LRP6: variants seen among roughly 807,000 people sequenced by gnomAD.
LRP6 encodes low-density lipoprotein receptor-related protein 6.
LRP6 carries 43 observed loss-of-function variants against 184.1 expected under a neutral mutation model. That is an observed-to-expected ratio of 0.23 (90% confidence interval 0.18 to 0.30). LRP6 has a LOEUF of 0.30. Ranked by LOEUF, LRP6 falls within the 10% of genes least tolerant of loss-of-function variation. LRP6 has a pLI of 1.00. For missense variants in LRP6, 1,571 were observed against 2,005.3 expected (o/e 0.78, Z 4.14); for synonymous variants, 719 against 684.9 (o/e 1.05, Z -0.78).
intron 15 of LRP6, among the ~76,000 whole-genome samples, chr12:12,145,729 T>C (rs1949998327): frequency 6.6e-6 from 1 of 151,288 alleles, no homozygotes; most frequent in Non-Finnish European, 1.5e-5. Flanking sequence ...CCTCCCATGT[T>C]CAAGCGATTC....
chr12:12,166,113 G>T (rs1057090924), intron 7 of LRP6, among the ~76,000 whole-genome samples: 31 of 151,700 alleles, frequency 2.0e-4, no homozygotes, highest in Admixed American at 7.9e-4. Context: ...TACCTTTTTT[G>T]GGGGGGTAGG....
intron 2 of LRP6, among the ~76,000 whole-genome samples, chr12:12,231,871 C>T (rs1038429466): frequency 1.3e-5 from 2 of 151,464 alleles, no homozygotes; most frequent in Non-Finnish European, 2.9e-5. Context: ...GAAAATTAGC[C>T]GGATGTGGTG....
intron 1 of LRP6, among the ~76,000 whole-genome samples, chr12:12,264,628 CA>C (rs1865710898): frequency 6.6e-6 from 1 of 152,170 alleles, no homozygotes; most frequent in Non-Finnish European, 1.5e-5. Flanking sequence ...TGCAACAAAT[CA>C]ATCAGATTTT....
chr12:12,187,785 G>C (rs1863513378), intron 3 of LRP6, among the ~76,000 whole-genome samples: 1 of 152,152 alleles, frequency 6.6e-6, no homozygotes, highest in Admixed American at 6.5e-5. Context: ...GTTAGTGGTA[G>C]AATATGTTCA....
chr12:12,138,075 G>T (rs1483707026), intron 16 of LRP6, among the ~76,000 whole-genome samples: 1 of 151,810 alleles, frequency 6.6e-6, no homozygotes, highest in Non-Finnish European at 1.5e-5. Context: ...GGAGGCTGAG[G>T]CATGAGAATC....
chr12:12,187,509 C>CA (rs1863504329), intron 3 of LRP6: 1 of 262,694 alleles, frequency 3.8e-6, no homozygotes, highest in African/African-American at 2.2e-5. Context: ...GAAAGGTAAG[C>CA]AATGAGAAAA....
At chr12:12,137,158 C>T (rs1949852999) in intron 16 of LRP6, among the ~76,000 whole-genome samples, 1 of 152,136 alleles carries the variant, frequency 6.6e-6, no homozygotes, top group African/African-American at 2.4e-5. Flanking sequence ...TCCTTTCATG[C>T]TTAAATTCAA....
intron 10 of LRP6, among the ~76,000 whole-genome samples, chr12:12,161,189 A>C (rs946067724): frequency 6.6e-6 from 1 of 152,250 alleles, no homozygotes; most frequent in Non-Finnish European, 1.5e-5. Context: ...TTACTAGCTA[A>C]TCATGGAATC....
chr12:12,243,061 G>T (rs1865104369), intron 2 of LRP6, among the ~76,000 whole-genome samples: 1 of 152,126 alleles, frequency 6.6e-6, no homozygotes, highest in Non-Finnish European at 1.5e-5. Context: ...AATAGTACAG[G>T]TTATTTATCT....
chr12:12,206,053 C>A (rs1178480248), intron 2 of LRP6, among the ~76,000 whole-genome samples: 1 of 152,212 alleles, frequency 6.6e-6, no homozygotes, highest in Non-Finnish European at 1.5e-5. Context: ...AGTATCGTAG[C>A]ATGCTGTACA....
chr12:12,186,029 G>C (rs77611175), intron 4 of LRP6, among the ~76,000 whole-genome samples: 20,411 of 151,792 alleles, frequency 0.13, 1,819 homozygotes, highest in African/African-American at 0.25. Context: ...TGTTATTTTA[G>C]TAGAGACGGG....
At chr12:12,204,638 T>C (rs1052702081) in intron 2 of LRP6, among the ~76,000 whole-genome samples, 3 of 152,078 alleles carry the variant, frequency 2.0e-5, no homozygotes, top group East Asian at 3.8e-4. Context: ...AAAAACTCTC[T>C]TGGGCTGGGC....
At chr12:12,166,327 A>G (rs1036024018) in intron 7 of LRP6, among the ~76,000 whole-genome samples, 1 of 152,206 alleles carries the variant, frequency 6.6e-6, no homozygotes, top group Non-Finnish European at 1.5e-5. Context: ...TTGCATTTCC[A>G]GGAACATGTA....
chr12:12,217,534 A>G (rs1157396884), intron 2 of LRP6, among the ~76,000 whole-genome samples: 2 of 152,212 alleles, frequency 1.3e-5, no homozygotes, highest in African/African-American at 2.4e-5. Flanking sequence ...ACTGTCTTCC[A>G]CAAAACCAGT....
intron 1 of LRP6, among the ~76,000 whole-genome samples, chr12:12,255,566 CTTTT>C (rs749441005): frequency 1.8e-5 from 2 of 114,142 alleles, no homozygotes; most frequent in East Asian, 2.3e-4. Flanking sequence ...GGTTTGGTCA[CTTTT>C]TTTTTTTTTT....
Position 12,158,980 on chromosome 12 carries a change from G to C in LRP6, c.2640C>G (p.Leu880=), listed in dbSNP as rs151241193. Residue 880 remains leucine, a synonymous_variant, in exon 12 of 23, where the codon CTC becomes CTG. Coordinates refer to ENST00000261349, the MANE Select transcript of LRP6 (RefSeq NM_002336.3). The part of the protein sequence containing the change: ...QGHLDYVMDI[L]VFHSSRQSGW... ...CTGACTGTCGAGATGAGTGAAAGAC[G>C]AGGATGTCCATCACATAATCCAAAT... 4 of 1,614,042 alleles carry C rather than the reference G, an allele frequency of 2.5e-6. No individual in the cohort carries two copies. The Admixed American group carries it at 5.0e-5, about 20-fold the overall frequency.
chr12:12,187,236 A>C, intron 3 of LRP6, 117 bp from the exon 4 acceptor site: 1 of 782,066 alleles, frequency 1.3e-6, no homozygotes, highest in South Asian at 1.5e-5. Flanking sequence ...ATCTTGAGTA[A>C]TACATACCAA....
intron 1 of LRP6, among the ~76,000 whole-genome samples, chr12:12,257,260 T>C (rs538721035): frequency 3.3e-5 from 5 of 152,228 alleles, no homozygotes; most frequent in Admixed American, 1.3e-4. Context: ...ATGTGAATTA[T>C]AGCTCCAAAA....
chr12:12,249,296 G>A, intron 1 of LRP6: 2 of 1,128,754 alleles, frequency 1.8e-6, no homozygotes, highest in Admixed American at 1.7e-5. Flanking sequence ...GTGGACCCAA[G>A]AGCCATATCA....
Sources: allele counts gnomAD v4.1 joint callset (sites outside exome capture counted in the v4.1 genomes callset), GRCh38; gene constraint gnomAD v4.1.1; transcripts MANE v1.5; gene names NCBI Gene and HGNC (gene_info 2026-07-23, HGNC 2026-07-21).